The following ICA1L variants were observed in gnomAD, a reference collection of about 807,000 sequenced individuals.
ICA1L encodes islet cell autoantigen 1 like, also known as islet cell autoantigen 1-like protein.
A neutral mutation model predicts 61.3 loss-of-function variants in ICA1L; 50 were observed. The observed-to-expected ratio is 0.82, with a 90% confidence interval of 0.65 to 1.03. ICA1L has a LOEUF of 1.03. ICA1L is among the 50% of genes least tolerant of loss of function. The pLI is 0.00. For synonymous variants in ICA1L, 161 were observed against 191.3 expected (o/e 0.84, Z 1.31); for missense variants, 508 against 556.7 (o/e 0.91, Z 0.88).
In ICA1L at chr2:202,774,244, G is replaced by A; in HGVS notation, c.*5289C>T. On this transcript the variant is annotated 3_prime_UTR_variant, in exon 13 of 13. Coordinates refer to ENST00000358299, the MANE Select transcript of ICA1L (RefSeq NM_001288622.3). ...CGCGGGGCGGCTCCTGAGTCTTCTC[G>A]CTCCTGTCGGCCAAAGGCCGTGACC... 1.9e-6 allele frequency: 3 copies of A among 1,546,098 alleles called. No homozygotes were observed. The highest frequency in any genetic ancestry group is 2.6e-6 in the Non-Finnish European group (3 of 1,145,206).
intron 10 of ICA1L, among the ~76,000 whole-genome samples, chr2:202,791,063 G>A (rs753135496): frequency 6.6e-6 from 1 of 152,232 alleles, no homozygotes; most frequent in Non-Finnish European, 1.5e-5. Flanking sequence ...GTCTTATAGT[G>A]TATGAGTCTC....
At chr2:202,867,588 T>C (rs1349518487) in intron 1 of ICA1L, among the ~76,000 whole-genome samples, 2 of 152,192 alleles carry the variant, frequency 1.3e-5, no homozygotes, top group Non-Finnish European at 2.9e-5. Context: ...CTTTATGCAG[T>C]ATATGACTGT....
At chr2:202,790,065 T>C (rs1692700870) in intron 10 of ICA1L, among the ~76,000 whole-genome samples, 1 of 152,214 alleles carries the variant, frequency 6.6e-6, no homozygotes, top group African/African-American at 2.4e-5. Flanking sequence ...CCTGGTCCTT[T>C]TCTGTCTATA....
chr2:202,801,667 A>C (rs554647056), intron 9 of ICA1L, among the ~76,000 whole-genome samples: 2 of 152,242 alleles, frequency 1.3e-5, no homozygotes, highest in African/African-American at 4.8e-5. Flanking sequence ...AAACAACAAC[A>C]AAAATGTAAG....
intron 1 of ICA1L, chr2:202,841,439 G>A: frequency 8.5e-7 from 1 of 1,181,400 alleles, no homozygotes; most frequent in Non-Finnish European, 1.3e-6. Context: ...ATCTTGTTCT[G>A]CTGCTCCAGG....
At chr2:202,840,448 A>G (rs966956352) in intron 1 of ICA1L, 18 of 497,086 alleles carry the variant, frequency 3.6e-5, no homozygotes, top group African/African-American at 2.9e-4. Context: ...AGCCCATGCC[A>G]GAGCCAAAGC....
intron 1 of ICA1L, among the ~76,000 whole-genome samples, chr2:202,848,756 T>C (rs1046613623): frequency 1.3e-5 from 2 of 152,158 alleles, no homozygotes; most frequent in Non-Finnish European, 1.5e-5. Flanking sequence ...CAGATATATA[T>C]AGTCATGCAC....
intron 9 of ICA1L, among the ~76,000 whole-genome samples, chr2:202,810,852 T>A (rs1443078387): frequency 6.6e-6 from 1 of 152,136 alleles, no homozygotes; most frequent in Non-Finnish European, 1.5e-5. Flanking sequence ...TGGGATGAAA[T>A]AAGCCCTGGT....
intron 9 of ICA1L, among the ~76,000 whole-genome samples, chr2:202,803,331 G>A (rs1293884780): frequency 6.8e-6 from 1 of 147,488 alleles, no homozygotes; most frequent in African/African-American, 2.5e-5. Flanking sequence ...AACCCAGGAG[G>A]CAGAGGTCGT....
chr2:202,839,956 T>C (rs555882458), intron 1 of ICA1L, among the ~76,000 whole-genome samples: 10 of 152,212 alleles, frequency 6.6e-5, no homozygotes, highest in African/African-American at 1.7e-4. Flanking sequence ...ACTTTGATTG[T>C]ATACACTTTA....
Position 202,849,808 on chromosome 2 carries a change from A to C in ICA1L, c.-7-20792T>G, listed in dbSNP as rs895270071. Among the ~76,000 whole-genome samples, 2 of 152,192 alleles carry C rather than the reference A, an allele frequency of 1.3e-5. No homozygotes were observed. Among genetic ancestry groups the C allele is most frequent in the South Asian group, 2.1e-4 (1 of 4,836 alleles). On this transcript the variant is annotated intron_variant, in intron 1 of 12. Transcript: ENST00000358299. The surrounding 1 kb of genome is among the most constrained non-coding windows in gnomAD (Gnocchi z 4.5). ...GCAATTGAGCTCTGCTAGGGGACAGACAGCCTCCTCAAGTGGGTCCCAGAC... is the reference window on the plus strand; with the variant it reads ...GCAATTGAGCTCTGCTAGGGGACAGCCAGCCTCCTCAAGTGGGTCCCAGAC...
intron 1 of ICA1L, among the ~76,000 whole-genome samples, chr2:202,858,554 G>A (rs1321912339): frequency 1.3e-5 from 2 of 152,148 alleles, no homozygotes; most frequent in African/African-American, 4.8e-5. Context: ...AGGTTGATAG[G>A]TGTAGCAAAC....
intron 9 of ICA1L, among the ~76,000 whole-genome samples, chr2:202,798,792 C>T (rs1693011008): frequency 6.6e-6 from 1 of 152,180 alleles, no homozygotes; most frequent in Non-Finnish European, 1.5e-5. Context: ...CTCACCCTTT[C>T]CAGTCTTTTA....
At chr2:202,829,630 A>T (rs1693958074) in intron 1 of ICA1L, among the ~76,000 whole-genome samples, 1 of 152,174 alleles carries the variant, frequency 6.6e-6, no homozygotes. Context: ...TCTCAGTCAG[A>T]CATGCTAATA....
chr2:202,786,313 G>A (rs201124545), intron 11 of ICA1L, among the ~76,000 whole-genome samples: 3 of 152,052 alleles, frequency 2.0e-5, no homozygotes, highest in East Asian at 1.9e-4. Context: ...TTGGGAGGCC[G>A]AGGCGGGTGG....
At chr2:202,852,671 C>CAAAA (rs574400027) in intron 1 of ICA1L, among the ~76,000 whole-genome samples, 2 of 42,210 alleles carry the variant, frequency 4.7e-5, no homozygotes, top group African/African-American at 1.3e-4. Context: ...GACTCTGTCT[C>CAAAA]AAAAAAAAAA....
rs1687741548 is a variant in ICA1L at position 202,871,745 on chromosome 2, C to T, written c.-134G>A. 6.6e-6 allele frequency: 1 copy of T among 152,434 alleles called. No individual in the cohort carries two copies. The highest frequency in any genetic ancestry group is 2.4e-5 in the African/African-American group (1 of 41,468). 9.4% of individuals were successfully genotyped at this position (152,434 alleles called of 1,614,324 possible). On this transcript the variant is annotated 5_prime_UTR_variant, in exon 1 of 13. Coordinates refer to ENST00000358299, the MANE Select transcript of ICA1L (RefSeq NM_001288622.3). ...CCCTCCGGCAGCCAGTGCCCCTCCGCACCAGTGCGTGGAGGTGTCAGGCTC... is the reference window on the plus strand; with the variant it reads ...CCCTCCGGCAGCCAGTGCCCCTCCGTACCAGTGCGTGGAGGTGTCAGGCTC...
At chr2:202,780,182 A>ATGTT (rs1006851447) in intron 12 of ICA1L, among the ~76,000 whole-genome samples, 15 of 152,200 alleles carry the variant, frequency 9.9e-5, no homozygotes, top group Non-Finnish European at 1.8e-4. Context: ...AAGTTGATTT[A>ATGTT]TGTTTATTAT....
chr2:202,815,034 A>T (rs1426049792), intron 7 of ICA1L, among the ~76,000 whole-genome samples: 1 of 152,222 alleles, frequency 6.6e-6, no homozygotes, highest in Admixed American at 6.5e-5. Flanking sequence ...TAGTTTAACA[A>T]CTTAGTAATA....
Sources: gnomAD v4.1 joint callset for allele counts (sites outside exome capture counted in the v4.1 genomes callset) on GRCh38, gnomAD v4.1.1 for gene constraint, Gnocchi (gnomAD v3.1) non-coding constraint, MANE v1.5 for transcripts, NCBI Gene and HGNC (gene_info 2026-07-23, HGNC 2026-07-21) for gene names.